FMNL3: variants seen among roughly 807,000 people sequenced by gnomAD.
FMNL3 encodes the protein formin-like protein 3.
A neutral mutation model predicts 119.6 loss-of-function variants in FMNL3; 57 were observed. That is an observed-to-expected ratio of 0.48 (90% CI 0.39 to 0.59). FMNL3 has a LOEUF of 0.59. Among genes scored for constraint, FMNL3 ranks in the 20% least tolerant of loss-of-function variants. FMNL3 has a pLI of 0.00. For missense variants in FMNL3, 1,053 were observed against 1,323.5 expected, an observed-to-expected ratio of 0.80 and a Z score of 3.17; for synonymous variants, 491 against 507.3, an observed-to-expected ratio of 0.97 and a Z score of 0.43.
At position 49,651,228 on chromosome 12, in the gene FMNL3, C is replaced by T; in HGVS notation, c.1737G>A (p.Leu579=). Residue 579 remains leucine, a synonymous_variant, in exon 16 of 26, where the codon CTG becomes CTA. Coordinates refer to ENST00000335154, the MANE Select transcript of FMNL3 (RefSeq NM_175736.5). ...CAGTGCCACTGATCTGGTTGGGTTT[C>T]AGTGCTGTCCAGTTGAAGACAGGCA... ...FRLPVFNWTA[L]KPNQISGTVF... 2 of 1,613,806 alleles carry T rather than the reference C, an allele frequency of 1.2e-6. No homozygotes were observed. Among genetic ancestry groups the T allele is most frequent in the South Asian group, 2.2e-5 (2 of 91,082 alleles).
intron 1 of FMNL3, among the ~76,000 whole-genome samples, chr12:49,669,599 AG>A (rs1255835421): frequency 6.6e-6 from 1 of 152,140 alleles, no homozygotes; most frequent in Non-Finnish European, 1.5e-5. Flanking sequence ...TGGGAGGCCG[AG>A]GTGGGCGGAT....
Position 49,673,903 on chromosome 12 carries a change from C to A in FMNL3, c.127-5349G>T, listed in dbSNP as rs567493358. On this transcript the variant is annotated intron_variant, in intron 1 of 25. Transcript: ENST00000335154. Reference sequence around the variant, plus strand: ...ACTGCAATCCTTTGTAAAAGGGAATCAAAAAAAATCAGAGAGTTTGATCAA... The same window carrying A: ...ACTGCAATCCTTTGTAAAAGGGAATAAAAAAAAATCAGAGAGTTTGATCAA... Among the ~76,000 whole-genome samples, 11 of 152,072 alleles carry A rather than the reference C, an allele frequency of 7.2e-5. No homozygotes were observed. The South Asian group carries it at 1.7e-3, about 23-fold the overall frequency.
intron 1 of FMNL3, among the ~76,000 whole-genome samples, chr12:49,696,438 T>G (rs566653140): frequency 6.6e-6 from 1 of 152,356 alleles, no homozygotes; most frequent in East Asian, 1.9e-4. Flanking sequence ...TTGAAAAATC[T>G]GCGTATAAGC....
intron 1 of FMNL3, among the ~76,000 whole-genome samples, chr12:49,699,890 T>C (rs1368898026): frequency 5.3e-5 from 8 of 152,190 alleles, no homozygotes; most frequent in Non-Finnish European, 1.2e-4. Flanking sequence ...AACGGTTAGC[T>C]TACAGAGAAA....
At position 49,642,544 on chromosome 12, in the gene FMNL3, G is replaced by C. The variant is rs976620630; in HGVS notation, c.*3271C>G. 6.2e-7 allele frequency: 1 copy of C among 1,609,410 alleles called. No individual in the cohort carries two copies. Among genetic ancestry groups the C allele is most frequent in the Non-Finnish European group, 8.5e-7 (1 of 1,176,044 alleles). On this transcript the variant is annotated 3_prime_UTR_variant, in exon 26 of 26. Transcript: ENST00000335154. The surrounding 1 kb of genome is among the most constrained non-coding windows in gnomAD (Gnocchi z 5.8). ...GCGGTGTCCAGGCCAGGCTGAGTGG[G>C]GCCTAGTCTGATCAGCAGTGCTCTC... is the stretch of plus-strand genomic sequence containing the variant.
chr12:49,678,632 T>A (rs1944257975), intron 1 of FMNL3, among the ~76,000 whole-genome samples: 1 of 151,996 alleles, frequency 6.6e-6, no homozygotes, highest in African/African-American at 2.4e-5. Flanking sequence ...CTGGTTAATT[T>A]TTGTATTTTT....
chr12:49,673,811 C>T (rs1317295779), intron 1 of FMNL3, among the ~76,000 whole-genome samples: 4 of 152,236 alleles, frequency 2.6e-5, no homozygotes, highest in Non-Finnish European at 4.4e-5. Flanking sequence ...CTGCTGCTGC[C>T]GCCGCCTCCA....
chr12:49,649,514 A>C lies in FMNL3; in HGVS notation c.2260T>G (p.Ser754Ala). The C allele has an allele frequency of 6.2e-7, 1 of 1,614,182 alleles. No individual in the cohort carries two copies. Among genetic ancestry groups the C allele is most frequent in the East Asian group, 2.2e-5 (1 of 44,890 alleles). The part of the protein sequence containing the change: ...TPQLNAIIAA[S>A]ASVKSSQKLK... ...TTCTGTGAAGACTTGACGGAAGCGG[A>C]CGCCGCAATGATGGCATTGAGTTGC... Residue 754 changes from serine to alanine, a missense_variant, in exon 19 of 26, where the codon TCC (serine) becomes GCC (alanine). Transcript: ENST00000335154. This position sits in a 1 kb window ranked among gnomAD's most constrained non-coding sequence, Gnocchi z 5.6.
At chr12:49,705,859 C>G (rs1249911421) in intron 1 of FMNL3, among the ~76,000 whole-genome samples, 1 of 152,198 alleles carries the variant, frequency 6.6e-6, no homozygotes, top group East Asian at 1.9e-4. Flanking sequence ...ATGTCAGATT[C>G]TCTACCATCG....
intron 25 of FMNL3, among the ~76,000 whole-genome samples, chr12:49,646,442 G>T (rs944152125): frequency 2.0e-5 from 3 of 152,228 alleles, no homozygotes; most frequent in Non-Finnish European, 4.4e-5. Context: ...GTGGGAGAGA[G>T]ACCACTTCCC....
intron 1 of FMNL3, among the ~76,000 whole-genome samples, chr12:49,682,515 A>AT (rs1449927983): frequency 6.6e-6 from 1 of 151,704 alleles, no homozygotes; most frequent in African/African-American, 2.4e-5. Flanking sequence ...GCCTATTTTA[A>AT]TTTTTTATTT....
Position 49,643,588 on chromosome 12 carries a change from G to A in FMNL3, c.*2227C>T, listed in dbSNP as rs933555184. On this transcript the variant is annotated 3_prime_UTR_variant, in exon 26 of 26. Transcript: ENST00000335154. ...AAAACTGGACTTAGACTTCCTCAGA[G>A]CATGAGGTTCCTGCCTGTGAAGAAT... The A allele has an allele frequency of 3.6e-6, 5 of 1,404,810 alleles. No homozygotes were observed. The allele number at this position is 1,404,810 out of a possible 1,614,324, so 87.0% of individuals were successfully genotyped here.
At chr12:49,650,171 G>A (rs1295445831) in intron 17 of FMNL3, among the ~76,000 whole-genome samples, 2 of 152,140 alleles carry the variant, frequency 1.3e-5, no homozygotes, top group Non-Finnish European at 2.9e-5. Flanking sequence ...AAACACCTGA[G>A]CATGGCTTAC....
intron 1 of FMNL3, among the ~76,000 whole-genome samples, chr12:49,674,044 G>A (rs538627337): frequency 6.0e-4 from 91 of 152,302 alleles, no homozygotes; most frequent in African/African-American, 2.0e-3. Flanking sequence ...GGGAGGAAAT[G>A]GAACAGATGG....
At position 49,652,099 on chromosome 12, in the gene FMNL3, C is replaced by G. The variant is rs755538450; in HGVS notation, c.1437G>C (p.Glu479Asp). 3 of 1,613,080 alleles carry G rather than the reference C, an allele frequency of 1.9e-6. No homozygotes were observed. The highest frequency in any genetic ancestry group is 2.7e-5 in the African/African-American group (2 of 75,036). The change falls in exon 14 of 26, where the codon GAG becomes GAC. Residue 479 changes from glutamate (E) to aspartate (D), a missense_variant. By Grantham distance (45) the Glu-to-Asp change is conservative. Coordinates refer to ENST00000335154, the MANE Select transcript of FMNL3 (RefSeq NM_175736.5). ...CHLEPNVRGL[E>D]SVDSEALARV... ...TGGCCAGGGCCTCACTGTCCACAGA[C>G]TCCAGGCCCCGGACATTTGGCTCCA...
At chr12:49,650,585 T>C in intron 17 of FMNL3, 91 bp downstream of exon 17, 4 of 1,421,284 alleles carry the variant, frequency 2.8e-6, no homozygotes, top group Non-Finnish European at 3.9e-6. Flanking sequence ...TTCTGTCAGA[T>C]GACCTGGAAT....
rs1430548962 is a variant in FMNL3, at chr12:49,656,868, T to C, written c.746A>G (p.His249Arg). The change falls in exon 8 of 26, where the codon CAT becomes CGT. Residue 249 changes from histidine to arginine, a missense_variant. Around this residue, in one of 4 missense-constraint regions of FMNL3, gnomAD observed 445 missense variants for 628.4 expected, o/e 0.71. Transcript: ENST00000335154. The stretch of plus-strand genomic sequence containing the variant: ...GCTAAGTGCAATCTCATTGACAGCA[T>C]GGGGGTGGGACATGACCAGGTTGAA... ...YGFNLVMSHPHAVNEIALSLN... is the reference protein window; with the variant it reads ...YGFNLVMSHPRAVNEIALSLN... The C allele has an allele frequency of 1.2e-6, 2 of 1,613,786 alleles. No individual in the cohort carries two copies. The highest frequency in any genetic ancestry group is 1.6e-4 in the Middle Eastern group (1 of 6,084).
At chr12:49,664,012 G>C (rs967946963) in intron 4 of FMNL3, among the ~76,000 whole-genome samples, 2 of 152,118 alleles carry the variant, frequency 1.3e-5, no homozygotes, top group African/African-American at 4.8e-5. Context: ...ACTTTGAAAG[G>C]CCAAGACAGG....
At chr12:49,654,829 G>A (rs1056874125) in intron 10 of FMNL3, 81 bp downstream of exon 10, 120 of 1,286,554 alleles carry the variant, frequency 9.3e-5, no homozygotes, top group Admixed American at 1.2e-4. Flanking sequence ...ATCAAGATAC[G>A]CTGTTGGCCT....
Sources: gnomAD v4.1 joint callset for allele counts (sites outside exome capture counted in the v4.1 genomes callset) on GRCh38, gnomAD v4.1.1 for gene constraint, gnomAD v4.1.1 regional missense constraint, Gnocchi (gnomAD v3.1) non-coding constraint, MANE v1.5 for transcripts, NCBI Gene and HGNC (gene_info 2026-07-23, HGNC 2026-07-21) for gene names.